NCKAP5: variants seen among roughly 807,000 people sequenced by gnomAD.
The protein encoded by NCKAP5 is nck-associated protein 5.
Under a neutral mutation model 167.0 loss-of-function variants are expected in NCKAP5, and 92 were observed. That is an observed-to-expected ratio of 0.55 (90% CI 0.47 to 0.66). The LOEUF (loss-of-function observed/expected upper bound fraction) is 0.66, where lower values mean the gene tolerates loss of function less well. Ranked by LOEUF, NCKAP5 falls within the 30% of genes least tolerant of loss-of-function variation. The pLI, the probability that NCKAP5 is intolerant of heterozygous loss-of-function variation, is 0.00. For synonymous variants in NCKAP5, 891 were observed against 877.4 expected (o/e 1.02, Z -0.27); for missense variants, 2,378 against 2,315.0 (o/e 1.03, Z -0.56).
the NCKAP5 span, among the ~76,000 whole-genome samples, chr2:133,665,690 G>A: frequency 6.7e-6 from 1 of 149,028 alleles, no homozygotes; most frequent in East Asian, 2.0e-4. Flanking sequence ...ATGCAGGGTT[G>A]TCACAAGTCT....
rs548633585 is a variant in NCKAP5, at chr2:132,898,339, T to C, written c.580-19423A>G. ...CTTGCCATTTCTGCCACATCTGTAATTACTTCCTCCACTAAAGGCTTGACC... is the reference window on the plus strand; with the variant it reads ...CTTGCCATTTCTGCCACATCTGTAACTACTTCCTCCACTAAAGGCTTGACC... On this transcript the variant is annotated intron_variant, in intron 8 of 19. Transcript: ENST00000409261. 3.9e-5 allele frequency among the ~76,000 whole-genome samples: 6 copies of C among 152,342 alleles called. No individual in the cohort carries two copies. The East Asian group carries it at 1.2e-3, about 29-fold the overall frequency.
chr2:133,143,962 T>G (rs2083094014), intron 5 of NCKAP5, among the ~76,000 whole-genome samples: 1 of 152,116 alleles, frequency 6.6e-6, no homozygotes, highest in African/African-American at 2.4e-5. Flanking sequence ...TCTAGTAAAC[T>G]TTCATCGCAA....
the NCKAP5 span, among the ~76,000 whole-genome samples, chr2:133,589,592 A>T: frequency 2.8e-3 from 426 of 152,312 alleles, 2 homozygotes; most frequent in South Asian, 4.2e-3. Flanking sequence ...GCTAGATGAG[A>T]TCACCAAGGA....
chr2:133,081,865 A>G (rs1386925857), intron 6 of NCKAP5, among the ~76,000 whole-genome samples: 1 of 152,180 alleles, frequency 6.6e-6, no homozygotes, highest in Admixed American at 6.5e-5. Context: ...ACACAGAAGC[A>G]AGGCTTATAT....
At chr2:133,505,515 G>C (rs1682926178) in intron 3 of NCKAP5, among the ~76,000 whole-genome samples, 1 of 152,132 alleles carries the variant, frequency 6.6e-6, no homozygotes, top group African/African-American at 2.4e-5. Flanking sequence ...TGCATGCCAG[G>C]CATGGTACTG....
At chr2:133,379,778 C>T (rs1686390692) in intron 3 of NCKAP5, among the ~76,000 whole-genome samples, 1 of 152,176 alleles carries the variant, frequency 6.6e-6, no homozygotes, top group African/African-American at 2.4e-5. Context: ...CAGCGCACTT[C>T]AAAGTGCAGT....
At chr2:132,773,193 GA>G (rs1682240722) in intron 16 of NCKAP5, among the ~76,000 whole-genome samples, 1 of 152,158 alleles carries the variant, frequency 6.6e-6, no homozygotes, top group Non-Finnish European at 1.5e-5. Flanking sequence ...TCTATCTCTT[GA>G]CAAGGAATGC....
At chr2:132,747,132 T>C (rs1196149462) in intron 16 of NCKAP5, among the ~76,000 whole-genome samples, 1 of 148,172 alleles carries the variant, frequency 6.7e-6, no homozygotes, top group Admixed American at 6.8e-5. Flanking sequence ...AAATTATACC[T>C]CCATGAACCT....
the NCKAP5 span, among the ~76,000 whole-genome samples, chr2:133,579,555 A>T: frequency 6.6e-6 from 1 of 152,214 alleles, no homozygotes; most frequent in African/African-American, 2.4e-5. Flanking sequence ...AGGGTTGGCC[A>T]GCATAGGTCT....
chr2:132,983,872 A>G (rs1230252173), intron 7 of NCKAP5, among the ~76,000 whole-genome samples: 1 of 152,198 alleles, frequency 6.6e-6, no homozygotes, highest in East Asian at 1.9e-4. Flanking sequence ...AGGCCACAGC[A>G]AATAATTATT....
chr2:132,780,296 C>T (rs1042058875), intron 15 of NCKAP5, among the ~76,000 whole-genome samples: 10 of 152,264 alleles, frequency 6.6e-5, no homozygotes, highest in East Asian at 5.8e-4. Flanking sequence ...GGACTGCAGG[C>T]GCCCACCACC....
At chr2:133,289,730 A>C (rs7571917) in intron 4 of NCKAP5, among the ~76,000 whole-genome samples, 2,001 of 151,982 alleles carry the variant, frequency 0.013, 43 homozygotes, top group African/African-American at 0.044. Context: ...AACAAACAAA[A>C]AAAAACAGCA....
chr2:133,658,818 G>A, the NCKAP5 span, among the ~76,000 whole-genome samples: 28 of 152,044 alleles, frequency 1.8e-4, no homozygotes, highest in African/African-American at 6.5e-4. Flanking sequence ...GATTCTCTGA[G>A]TCCTTGACTG....
At chr2:133,515,009 T>A (rs1220036794) in intron 3 of NCKAP5, among the ~76,000 whole-genome samples, 1 of 152,200 alleles carries the variant, frequency 6.6e-6, no homozygotes, top group East Asian at 1.9e-4. Flanking sequence ...TTTTCTTGTA[T>A]TTCACAGCAG....
chr2:133,386,850 A>G (rs1051344537), intron 3 of NCKAP5, among the ~76,000 whole-genome samples: 2 of 152,144 alleles, frequency 1.3e-5, no homozygotes, highest in African/African-American at 2.4e-5. Flanking sequence ...CTGTTTTATC[A>G]GAGACTAGGA....
chr2:133,421,596 C>T (rs1689483618), intron 3 of NCKAP5, among the ~76,000 whole-genome samples: 1 of 152,154 alleles, frequency 6.6e-6, no homozygotes, highest in South Asian at 2.1e-4. Context: ...GGGATACAAG[C>T]CATCTCCAAG....
At chr2:132,952,768 G>T (rs543560485) in intron 8 of NCKAP5, among the ~76,000 whole-genome samples, 2 of 152,178 alleles carry the variant, frequency 1.3e-5, no homozygotes, top group Admixed American at 6.5e-5. Context: ...TGGAATGCAC[G>T]TATTTTTCTA....
intron 7 of NCKAP5, among the ~76,000 whole-genome samples, chr2:132,993,544 CAGG>C (rs2077505353): frequency 6.6e-6 from 1 of 152,158 alleles, no homozygotes; most frequent in African/African-American, 2.4e-5. Flanking sequence ...AGGCCAGACC[CAGG>C]AGGACTGCAT....
chr2:132,697,811 A>T (rs1687489800), intron 19 of NCKAP5, among the ~76,000 whole-genome samples: 1 of 152,194 alleles, frequency 6.6e-6, no homozygotes, highest in African/African-American at 2.4e-5. Context: ...GGAAGAAGGG[A>T]GAGTCTTTTT....
Sources: gnomAD v4.1 joint callset for allele counts (sites outside exome capture counted in the v4.1 genomes callset) on GRCh38, gnomAD v4.1.1 for gene constraint, MANE v1.5 for transcripts, NCBI Gene and HGNC (gene_info 2026-07-23, HGNC 2026-07-21) for gene names.